The following EXOC4 variants were observed in gnomAD, a reference collection of about 807,000 sequenced individuals.
The protein encoded by EXOC4 is exocyst complex component 4, also known as SEC8-like 1.
EXOC4 carries 71 observed loss-of-function variants against 107.2 expected under a neutral mutation model. The observed-to-expected ratio is 0.66, with a 90% CI of 0.55 to 0.81. EXOC4 has a LOEUF of 0.81. Among genes scored for constraint, EXOC4 ranks in the 30% least tolerant of loss-of-function variants. The probability of loss-of-function intolerance (pLI) is 0.00; values close to 1 mark genes in which losing one functional copy is unlikely to be tolerated. For synonymous variants in EXOC4, 456 were observed against 441.2 expected, an observed-to-expected ratio of 1.03 and a Z score of -0.42; for missense variants, 1,108 against 1,189.6, an observed-to-expected ratio of 0.93 and a Z score of 1.01.
chr7:133,971,361 T>TATATAGAG lies in EXOC4; in HGVS notation c.2207-26130_2207-26129insTATAGAGA, dbSNP rs1489958236. Among the ~76,000 whole-genome samples the TATATAGAG allele has an allele frequency of 1.9e-3, 141 of 75,034 alleles. 1 individual carries two copies. The highest frequency in any genetic ancestry group is 3.8e-3 in the African/African-American group (62 of 16,516). The allele number at this position is 75,034 out of a possible 152,430, so 49.2% of individuals were successfully genotyped here. A position where few individuals can be genotyped will look rare whatever the true frequency, so the allele number is the denominator to read the frequency against. On this transcript the variant is annotated intron_variant, in intron 14 of 17. Coordinates refer to ENST00000253861, the MANE Select transcript of EXOC4 (RefSeq NM_021807.4). ...ATATATATATATATATATATATATATAGAGAGAGAGAGAGAGAGAGAGAGA... is the reference window on the plus strand; with the variant it reads ...ATATATATATATATATATATATATATATATAGAGAGAGAGAGAGAGAGAGAGAGAGAGA...
intron 9 of EXOC4, among the ~76,000 whole-genome samples, chr7:133,511,250 TCAAGTAGTTA>T (rs1196839522): frequency 6.6e-6 from 1 of 152,134 alleles, no homozygotes; most frequent in African/African-American, 2.4e-5. Flanking sequence ...AAGTGAAATC[TCAAGTAGTTA>T]GATTGGGGGG....
At chr7:133,474,814 A>T (rs1180506256) in intron 7 of EXOC4, among the ~76,000 whole-genome samples, 1 of 152,072 alleles carries the variant, frequency 6.6e-6, no homozygotes, top group Non-Finnish European at 1.5e-5. Context: ...TACACTAGGG[A>T]TCACTTTACA....
intron 10 of EXOC4, among the ~76,000 whole-genome samples, chr7:133,654,768 C>G (rs1264770526): frequency 6.6e-6 from 1 of 152,144 alleles, no homozygotes; most frequent in Non-Finnish European, 1.5e-5. Context: ...TATGCAAACA[C>G]TAGATGTTAT....
chr7:133,257,803 G>GA (rs1233741236), intron 1 of EXOC4, among the ~76,000 whole-genome samples: 2 of 152,208 alleles, frequency 1.3e-5, no homozygotes, highest in Non-Finnish European at 2.9e-5. Context: ...CAAAAACTTA[G>GA]AAAATCCTTT....
At chr7:134,066,598 A>G (rs1267659901), downstream of EXOC4, 1 of 152,166 alleles carries the variant, frequency 6.6e-6, no homozygotes, top group Non-Finnish European at 1.5e-5. Context: ...TTCCACAGGT[A>G]AAGAACAGCC....
intron 16 of EXOC4, 58 bp downstream of exon 16, chr7:134,005,148 T>G (rs994579171): frequency 6.6e-7 from 1 of 1,524,444 alleles, no homozygotes; most frequent in African/African-American, 1.4e-5. Context: ...AAAGTTTTCC[T>G]GATTTTCTGT....
chr7:133,311,693 A>G (rs1199329303), intron 4 of EXOC4, among the ~76,000 whole-genome samples: 2 of 152,198 alleles, frequency 1.3e-5, no homozygotes, highest in Non-Finnish European at 2.9e-5. Flanking sequence ...CTTCAGGAAA[A>G]CAGAGTCAAA....
rs1173485312 is a variant in EXOC4 at position 133,330,939 on chromosome 7, GT to G, written c.763+13562del. Among the ~76,000 whole-genome samples, 762 of 143,860 alleles carry G rather than the reference GT, an allele frequency of 5.3e-3. 2 individuals carry two copies. Among genetic ancestry groups the G allele is most frequent in the African/African-American group, 0.013 (501 of 39,448 alleles). The allele number at this position is 143,860 out of a possible 152,430, so 94.4% of individuals were successfully genotyped here. A position where few individuals can be genotyped will look rare whatever the true frequency, so the allele number is the denominator to read the frequency against. ...TCTGTGGGTGACTTTTCTGTGAGAGGTTTTTTTTTTTTTAAATAATAGTTTA... is the reference window on the plus strand; with the variant it reads ...TCTGTGGGTGACTTTTCTGTGAGAGGTTTTTTTTTTTTAAATAATAGTTTA... On this transcript the variant is annotated intron_variant, in intron 5 of 17. Transcript: ENST00000253861.
At chr7:134,018,052 A>G (rs572077012) in intron 17 of EXOC4, among the ~76,000 whole-genome samples, 4 of 152,314 alleles carry the variant, frequency 2.6e-5, no homozygotes, top group African/African-American at 9.6e-5. Flanking sequence ...AGAATCTGTC[A>G]TCGAATCCTG....
intron 7 of EXOC4, among the ~76,000 whole-genome samples, chr7:133,422,109 T>C (rs1797620579): frequency 6.6e-6 from 1 of 152,210 alleles, no homozygotes; most frequent in Non-Finnish European, 1.5e-5. Context: ...TTGTCCCTGA[T>C]TGATGATAAG....
intron 1 of EXOC4, among the ~76,000 whole-genome samples, chr7:133,272,093 G>A (rs1793885934): frequency 6.6e-6 from 1 of 152,154 alleles, no homozygotes; most frequent in Non-Finnish European, 1.5e-5. Context: ...AACATTTGTT[G>A]AGTGCTAGTG....
At chr7:134,001,182 G>A (rs904640200) in intron 15 of EXOC4, among the ~76,000 whole-genome samples, 1 of 152,044 alleles carries the variant, frequency 6.6e-6, no homozygotes, top group Non-Finnish European at 1.5e-5. Flanking sequence ...AACTTTAGAA[G>A]AAGAAAATTA....
intron 9 of EXOC4, among the ~76,000 whole-genome samples, chr7:133,509,905 C>A (rs545470320): frequency 6.3e-4 from 95 of 151,496 alleles, no homozygotes; most frequent in African/African-American, 2.2e-3. Context: ...TACATCTTTT[C>A]TTTCTTCTTC....
At chr7:133,666,068 A>C (rs1368294044) in intron 10 of EXOC4, among the ~76,000 whole-genome samples, 1 of 152,198 alleles carries the variant, frequency 6.6e-6, no homozygotes, top group Admixed American at 6.5e-5. Context: ...GGCATAAAGT[A>C]GAGTGCTCTG....
chr7:133,464,480 C>T (rs1798669934), intron 7 of EXOC4, among the ~76,000 whole-genome samples: 1 of 152,206 alleles, frequency 6.6e-6, no homozygotes, highest in East Asian at 1.9e-4. Flanking sequence ...TATGTGCAGA[C>T]CAGTCTTCCC....
intron 9 of EXOC4, among the ~76,000 whole-genome samples, chr7:133,515,183 T>G (rs1205897686): frequency 6.6e-6 from 1 of 152,140 alleles, no homozygotes; most frequent in Non-Finnish European, 1.5e-5. Context: ...GATAAAGAAC[T>G]GGACCAATAT....
chr7:133,440,586 C>T (rs776799546), intron 7 of EXOC4, among the ~76,000 whole-genome samples: 8 of 152,128 alleles, frequency 5.3e-5, no homozygotes, highest in Non-Finnish European at 1.0e-4. Flanking sequence ...CAGAGGTCAG[C>T]ACAAGATACA....
intron 11 of EXOC4, among the ~76,000 whole-genome samples, chr7:133,890,556 G>A (rs1341701743): frequency 7.1e-6 from 1 of 140,706 alleles, no homozygotes; most frequent in African/African-American, 2.8e-5. Flanking sequence ...TATGGTTTTA[G>A]GTCTAACGTT....
At chr7:134,051,888 A>G (rs6950195) in intron 17 of EXOC4, among the ~76,000 whole-genome samples, 100,448 of 151,234 alleles carry the variant, frequency 0.66, 33,985 homozygotes, top group East Asian at 0.8. Context: ...CAGGAGGCTC[A>G]GGCAGGAGAA....
Sources: gnomAD v4.1 joint callset for allele counts (sites outside exome capture counted in the v4.1 genomes callset) on GRCh38, gnomAD v4.1.1 for gene constraint, MANE v1.5 for transcripts, NCBI Gene and HGNC (gene_info 2026-07-23, HGNC 2026-07-21) for gene names.